The following SULT2A1 variants were observed in gnomAD, a reference collection of about 807,000 sequenced individuals.
SULT2A1 encodes sulfotransferase family 2A member 1.
SULT2A1 carries 43 observed loss-of-function variants against 33.9 expected under a neutral mutation model. The ratio of observed to expected loss-of-function variants is 1.27; its 90% confidence interval spans 1.00 to 1.64. The LOEUF (loss-of-function observed/expected upper bound fraction) is 1.64, where lower values mean the gene tolerates loss of function less well. Among genes scored for constraint, SULT2A1 ranks in the 40% most tolerant of loss-of-function variants. The pLI is 0.00. For synonymous variants in SULT2A1, 125 were observed against 113.6 expected (o/e 1.10, Z -0.64); for missense variants, 300 against 335.1 (o/e 0.90, Z 0.82).
rs112285002 is a variant in SULT2A1 at position 47,871,063 on chromosome 19, C to T, written c.*392G>A. ...TTCATCATGTTGGCCAGGATGGTCTCGATCTCCTGACCCCGTGATCCTCCC... is the reference window on the plus strand; with the variant it reads ...TTCATCATGTTGGCCAGGATGGTCTTGATCTCCTGACCCCGTGATCCTCCC... On this transcript the variant is annotated 3_prime_UTR_variant, in exon 6 of 6. Transcript: ENST00000222002. 0.064 allele frequency: 9,720 copies of T among 152,248 alleles called. 1,096 individuals are homozygous for T. Among genetic ancestry groups the T allele is most frequent in the Non-Finnish European group, 0.094 (6,421 of 68,184 alleles). The allele number at this position is 152,248 out of a possible 1,614,324, so 9.4% of individuals were successfully genotyped here.
intron 5 of SULT2A1, among the ~76,000 whole-genome samples, chr19:47,872,857 C>T (rs1401443680): frequency 6.6e-6 from 1 of 150,532 alleles, no homozygotes; most frequent in Non-Finnish European, 1.5e-5. Flanking sequence ...CTCCTGGGTT[C>T]AAGCGATTCT....
At chr19:47,883,866 TG>T in intron 1 of SULT2A1, 81 bp from the exon 2 acceptor site, 1 of 1,365,116 alleles carries the variant, frequency 7.3e-7, no homozygotes, top group Admixed American at 2.0e-5. Flanking sequence ...CCCAGCACTT[TG>T]GGAGGCTGAG....
chr19:47,870,922 C>T lies in SULT2A1; in HGVS notation c.*533G>A, dbSNP rs1440126622. 1 of 147,580 alleles carries T rather than the reference C, an allele frequency of 6.8e-6. No homozygotes were observed. Among genetic ancestry groups the T allele is most frequent in the Non-Finnish European group, 1.5e-5 (1 of 65,614 alleles). 9.1% of individuals were successfully genotyped at this position (147,580 alleles called of 1,614,324 possible). A position where few individuals can be genotyped will look rare whatever the true frequency, so the allele number is the denominator to read the frequency against. On this transcript the variant is annotated 3_prime_UTR_variant, in exon 6 of 6. Coordinates refer to ENST00000222002, the MANE Select transcript of SULT2A1 (RefSeq NM_003167.4). ...GCAGTGGCGCGATCTTGGCTCATTGCAACCTCTGCCTCCTGAGTTCAAACG... is the reference window on the plus strand; with the variant it reads ...GCAGTGGCGCGATCTTGGCTCATTGTAACCTCTGCCTCCTGAGTTCAAACG...
In SULT2A1 at chr19:47,872,781, T is replaced by G. The variant is rs1968505276; in HGVS notation, c.746-1214A>C. ...TTTATCTTTTTTTTTTTTTTTGAGA[T>G]GGAGTCTTGCTCTGTCTCCCAGGCA... On this transcript the variant is annotated intron_variant, in intron 5 of 5. Transcript: ENST00000222002. Among the ~76,000 whole-genome samples, 17 of 147,648 alleles carry G rather than the reference T, an allele frequency of 1.2e-4. No individual in the cohort carries two copies. The South Asian group carries it at 3.4e-3, about 29-fold the overall frequency.
At chr19:47,875,778 G>A (rs1968538193) in intron 4 of SULT2A1, among the ~76,000 whole-genome samples, 1 of 152,164 alleles carries the variant, frequency 6.6e-6, no homozygotes, top group African/African-American at 2.4e-5. Flanking sequence ...TTTCCTAAGA[G>A]ACGTTTAGAG....
chr19:47,878,895 A>G, intron 4 of SULT2A1, 141 bp downstream of exon 4: 1 of 683,804 alleles, frequency 1.5e-6, no homozygotes, highest in Non-Finnish European at 2.7e-6. Context: ...CCAGGGAGTT[A>G]ATCCTGCTCT....
intron 5 of SULT2A1, among the ~76,000 whole-genome samples, chr19:47,873,614 C>CTTTTTT (rs61271763): frequency 9.7e-5 from 6 of 62,062 alleles, no homozygotes; most frequent in African/African-American, 2.3e-4. Flanking sequence ...GGACAGATCT[C>CTTTTTT]TTTTTTTTTT....
chr19:47,879,316 G>A (rs1212639836), intron 3 of SULT2A1, among the ~76,000 whole-genome samples, 186 bp from the exon 4 acceptor site: 3 of 152,074 alleles, frequency 2.0e-5, no homozygotes, highest in East Asian at 1.9e-4. Context: ...TTTGATGTAC[G>A]CATACACTAT....
At chr19:47,878,505 A>ATTTTTTTT (rs34027366) in intron 4 of SULT2A1, among the ~76,000 whole-genome samples, 1 of 111,954 alleles carries the variant, frequency 8.9e-6, no homozygotes, top group African/African-American at 3.6e-5. Context: ...ACCTCTCTAG[A>ATTTTTTTT]TTTTTTTTTT....
Position 47,884,486 on chromosome 19 carries a change from T to C in SULT2A1, c.137-701A>G, listed in dbSNP as rs924768935. ...AGCCACTGCGCCTGGCTTTTTTTTT[T>C]TTTTTTTTTAGCGATGAGGTCTCCC... On this transcript the variant is annotated intron_variant, in intron 1 of 5. Coordinates refer to ENST00000222002, the MANE Select transcript of SULT2A1 (RefSeq NM_003167.4). Among the ~76,000 whole-genome samples, 47 of 149,650 alleles carry C rather than the reference T, an allele frequency of 3.1e-4. No homozygotes were observed. The Middle Eastern group carries it at 0.014, about 44-fold the overall frequency.
intron 5 of SULT2A1, among the ~76,000 whole-genome samples, chr19:47,872,050 T>TG (rs1280118049): frequency 3.9e-5 from 6 of 152,022 alleles, no homozygotes; most frequent in Admixed American, 6.6e-5. Context: ...CCCGAATAGC[T>TG]GGGATTACAG....
chr19:47,872,075 G>A (rs773171481), intron 5 of SULT2A1, among the ~76,000 whole-genome samples: 5 of 152,080 alleles, frequency 3.3e-5, no homozygotes, highest in East Asian at 1.9e-4. Context: ...CTACCACCAC[G>A]CCTGGCTAAT....
In SULT2A1 at chr19:47,873,614, C is replaced by CTTTTTTTTTTTTT. The variant is rs61271763; in HGVS notation, c.745+1030_745+1042dup. On this transcript the variant is annotated intron_variant, in intron 5 of 5. Transcript: ENST00000222002. ...ACATTTCTTCATCCAGGACAGATCT[C>CTTTTTTTTTTTTT]TTTTTTTTTTTTTTTTTTTTTTTTT... Among the ~76,000 whole-genome samples the CTTTTTTTTTTTTT allele has an allele frequency of 1.4e-3, 87 of 62,100 alleles. 5 individuals carry two copies. Among genetic ancestry groups the CTTTTTTTTTTTTT allele is most frequent in the African/African-American group, 6.5e-3 (84 of 12,834 alleles). The allele number at this position is 62,100 out of a possible 152,430, so 40.7% of individuals were successfully genotyped here. A position where few individuals can be genotyped will look rare whatever the true frequency, so the allele number is the denominator to read the frequency against.
At position 47,879,080 on chromosome 19, in the gene SULT2A1, C is replaced by T; in HGVS notation, c.523G>A (p.Glu175Lys). The change falls in exon 4 of 6, where the codon GAG becomes AAG. Residue 175 changes from glutamate to lysine, a missense_variant. Transcript: ENST00000222002. ...DHIHGWMPMR[E>K]EKNFLLLSYE... ...CTCAGTAACAGGAAGTTTTTCTCCT[C>T]TCTCATGGGCATCCAGCCATGAATG... 3 of 1,614,026 alleles carry T rather than the reference C, an allele frequency of 1.9e-6. No homozygotes were observed. The highest frequency in any genetic ancestry group is 1.7e-6 in the Non-Finnish European group (2 of 1,179,912).
intron 5 of SULT2A1, among the ~76,000 whole-genome samples, chr19:47,873,612 CTCTTTT>C: frequency 8.6e-6 from 1 of 116,660 alleles, no homozygotes; most frequent in African/African-American, 3.4e-5. Flanking sequence ...CAGGACAGAT[CTCTTTT>C]TTTTTTTTTT....
chr19:47,876,177 G>A (rs933550309), intron 4 of SULT2A1, among the ~76,000 whole-genome samples: 4 of 151,968 alleles, frequency 2.6e-5, no homozygotes, highest in East Asian at 1.9e-4. Flanking sequence ...CACCACTCCC[G>A]GCTAATTTAC....
At chr19:47,876,744 T>C (rs1249604445) in intron 4 of SULT2A1, among the ~76,000 whole-genome samples, 1 of 128,184 alleles carries the variant, frequency 7.8e-6, no homozygotes, top group Non-Finnish European at 1.6e-5. Context: ...CACTCCAGCC[T>C]GGGTGACAGA....
At chr19:47,879,483 C>T (rs2122150615) in intron 3 of SULT2A1, among the ~76,000 whole-genome samples, 1 of 152,144 alleles carries the variant, frequency 6.6e-6, no homozygotes, top group Admixed American at 6.6e-5. Context: ...AGCAAGGCAA[C>T]TTCCTCACAA....
At position 47,871,593 on chromosome 19, in the gene SULT2A1, G is replaced by A. The variant is rs577627993; in HGVS notation, c.746-26C>T. On this transcript the variant is annotated intron_variant, in intron 5 of 5. Coordinates refer to ENST00000222002, the MANE Select transcript of SULT2A1 (RefSeq NM_003167.4). ...CTGGAAACAAGAAGCAGAAACTCAG[G>A]TCAGACCACACATCTCCTTGACCTG... 5 of 1,493,466 alleles carry A rather than the reference G, an allele frequency of 3.3e-6. No homozygotes were observed. The East Asian group carries it at 9.0e-5, about 27-fold the overall frequency. 92.5% of individuals were successfully genotyped at this position (1,493,466 alleles called of 1,614,324 possible).
Sources: allele counts gnomAD v4.1 joint callset (sites outside exome capture counted in the v4.1 genomes callset), GRCh38; gene constraint gnomAD v4.1.1; transcripts MANE v1.5; gene names NCBI Gene and HGNC (gene_info 2026-07-23, HGNC 2026-07-21).